Variants in DTNB observed in about 807,000 individuals in gnomAD.
DTNB encodes dystrobrevin beta, also known as DTN-B.
A neutral mutation model predicts 90.7 loss-of-function variants in DTNB; 63 were observed. The ratio of observed to expected loss-of-function variants is 0.69; its 90% CI spans 0.57 to 0.86. The LOEUF (loss-of-function observed/expected upper bound fraction) is 0.86, where lower values mean the gene tolerates loss of function less well. Ranked by LOEUF, DTNB falls within the 40% of genes least tolerant of loss-of-function variation. DTNB has a pLI of 0.00. For synonymous variants in DTNB, 277 were observed against 286.7 expected (o/e 0.97, Z 0.34); for missense variants, 744 against 807.1 (o/e 0.92, Z 0.95).
chr2:25,599,811 C>T (rs908791825), intron 5 of DTNB, among the ~76,000 whole-genome samples: 4 of 152,080 alleles, frequency 2.6e-5, no homozygotes, highest in Admixed American at 2.6e-4. Flanking sequence ...TAGCTGGCTG[C>T]TGGTCAGGCG....
At chr2:25,397,658 T>A (rs2042738274) in intron 16 of DTNB, among the ~76,000 whole-genome samples, 1 of 152,014 alleles carries the variant, frequency 6.6e-6, no homozygotes, top group Non-Finnish European at 1.5e-5. Flanking sequence ...GGTAGGTGCA[T>A]CACCTAAGGT....
At chr2:25,450,194 G>A (rs1193455944) in intron 12 of DTNB, among the ~76,000 whole-genome samples, 1 of 152,146 alleles carries the variant, frequency 6.6e-6, no homozygotes, top group East Asian at 1.9e-4. Flanking sequence ...TTAAGTTTAT[G>A]ATACATTTCA....
rs6725183 is a variant in DTNB at position 25,531,719 on chromosome 2, A to G, written c.877-122T>C. 3.2e-3 allele frequency: 4,239 copies of G among 1,317,374 alleles called. 94 individuals carry two copies. In the African/African-American group the frequency reaches 0.046, roughly 14 times the overall value. The allele number at this position is 1,317,374 out of a possible 1,614,324, so 81.6% of individuals were successfully genotyped here. ...TCTTTTCAAATACAAATCAAGTTTC[A>G]TTACATCAATATCATTGGGCCTTTC... On this transcript the variant is annotated intron_variant, in intron 8 of 20. Coordinates refer to ENST00000406818, the MANE Select transcript of DTNB (RefSeq NM_021907.5).
At chr2:25,613,616 T>C (rs1056393363) in intron 4 of DTNB, among the ~76,000 whole-genome samples, 4 of 149,382 alleles carry the variant, frequency 2.7e-5, no homozygotes, top group Non-Finnish European at 3.0e-5. Context: ...CTAATGAACA[T>C]AGTTACAAAA....
intron 10 of DTNB, chr2:25,481,891 G>A (rs778966171): frequency 6.6e-6 from 1 of 152,258 alleles, no homozygotes; most frequent in African/African-American, 2.4e-5. Flanking sequence ...AAACACTGAC[G>A]TAGGAGTTTT....
At chr2:25,536,485 C>T (rs981138390) in intron 8 of DTNB, among the ~76,000 whole-genome samples, 10 of 152,132 alleles carry the variant, frequency 6.6e-5, no homozygotes, top group Non-Finnish European at 1.3e-4. Flanking sequence ...GCAGATCACC[C>T]GAGGCCAGGA....
At chr2:25,460,084 T>G (rs1439184249) in intron 10 of DTNB, among the ~76,000 whole-genome samples, 1 of 152,106 alleles carries the variant, frequency 6.6e-6, no homozygotes, top group African/African-American at 2.4e-5. Flanking sequence ...ACAGAGGTCG[T>G]AAGAAATAAC....
chr2:25,499,619 C>G (rs1181372470), intron 9 of DTNB, among the ~76,000 whole-genome samples: 1 of 152,152 alleles, frequency 6.6e-6, no homozygotes, highest in East Asian at 1.9e-4. Context: ...TTAGAAGTCC[C>G]TGCTATATTC....
intron 8 of DTNB, among the ~76,000 whole-genome samples, chr2:25,561,570 G>T (rs1044402501): frequency 4.6e-5 from 7 of 152,184 alleles, no homozygotes; most frequent in Non-Finnish European, 8.8e-5. Flanking sequence ...GGGCGTGGTG[G>T]GAGGTGACTG....
At chr2:25,405,459 T>C (rs1447996864) in intron 16 of DTNB, among the ~76,000 whole-genome samples, 1 of 152,120 alleles carries the variant, frequency 6.6e-6, no homozygotes, top group Non-Finnish European at 1.5e-5. Context: ...GAGAATCACT[T>C]GAACTGGGAA....
chr2:25,384,028 A>T (rs571378234), intron 18 of DTNB, 139 bp from the exon 19 acceptor site: 1 of 1,543,826 alleles, frequency 6.5e-7, no homozygotes, highest in Non-Finnish European at 8.7e-7. Flanking sequence ...AGGGTGCTTC[A>T]GCTCACCAGT....
intron 10 of DTNB, among the ~76,000 whole-genome samples, chr2:25,470,493 G>A (rs553455367): frequency 1.1e-4 from 16 of 150,556 alleles, no homozygotes; most frequent in South Asian, 2.1e-4. Context: ...CTCCTGCCTC[G>A]GTCTCCCAAG....
At chr2:25,422,690 G>A (rs1230772623) in intron 15 of DTNB, among the ~76,000 whole-genome samples, 3 of 152,012 alleles carry the variant, frequency 2.0e-5, no homozygotes, top group Non-Finnish European at 4.4e-5. Flanking sequence ...GAGCCACCAC[G>A]CCTGGCCTGG....
rs57547842 is a variant in DTNB at position 25,486,657 on chromosome 2, C to T, written c.1002-3784G>A. On this transcript the variant is annotated intron_variant, in intron 9 of 20. Transcript: ENST00000406818. The stretch of plus-strand genomic sequence containing the variant: ...CAAAAAAAAAAAAAAAAAGGTAATA[C>T]ACTAAAAATGACTTCTGGCTCAAAC... Among the ~76,000 whole-genome samples the T allele has an allele frequency of 6.4e-4, 95 of 148,098 alleles. 1 individual carries two copies. In the East Asian group the frequency reaches 0.018, roughly 28 times the overall value.
intron 5 of DTNB, among the ~76,000 whole-genome samples, chr2:25,601,850 G>A (rs1231207594): frequency 2.0e-5 from 3 of 152,012 alleles, no homozygotes; most frequent in South Asian, 2.1e-4. Flanking sequence ...GGCGGGGTGC[G>A]GTGGCTCATG....
At chr2:25,649,081 T>A (rs1271147274) in intron 2 of DTNB, among the ~76,000 whole-genome samples, 2 of 136,676 alleles carry the variant, frequency 1.5e-5, no homozygotes, top group Admixed American at 1.7e-4. Context: ...CTTGGCTCAC[T>A]GCAAGCTCCG....
chr2:25,475,706 A>C (rs952712194), intron 10 of DTNB, among the ~76,000 whole-genome samples: 5 of 152,232 alleles, frequency 3.3e-5, no homozygotes, highest in African/African-American at 1.2e-4. Context: ...GGACAGGCTG[A>C]TTCTCTTGCT....
chr2:25,508,610 C>G (rs2073125126), intron 9 of DTNB, among the ~76,000 whole-genome samples: 1 of 150,236 alleles, frequency 6.7e-6, no homozygotes, highest in Non-Finnish European at 1.5e-5. Context: ...TCTTGGCTCA[C>G]CACAACCTCC....
intron 8 of DTNB, among the ~76,000 whole-genome samples, chr2:25,540,538 C>CA (rs1338502002): frequency 1.3e-5 from 2 of 151,736 alleles, no homozygotes; most frequent in Admixed American, 1.3e-4. Flanking sequence ...GTGCAACGCT[C>CA]AATCATTTAA....
Sources: allele counts gnomAD v4.1 joint callset (sites outside exome capture counted in the v4.1 genomes callset), GRCh38; gene constraint gnomAD v4.1.1; transcripts MANE v1.5; gene names NCBI Gene and HGNC (gene_info 2026-07-23, HGNC 2026-07-21).